Variants in OSBPL10 observed in about 807,000 individuals in gnomAD.
The protein encoded by OSBPL10 is oxysterol binding protein like 10, also known as oxysterol-binding protein-related protein 10.
Under a neutral mutation model 81.7 loss-of-function variants are expected in OSBPL10, and 49 were observed. The ratio of observed to expected loss-of-function variants is 0.60; its 90% CI spans 0.48 to 0.76. The LOEUF (loss-of-function observed/expected upper bound fraction) is 0.76. Among genes scored for constraint, OSBPL10 ranks in the 30% least tolerant of loss-of-function variants. The probability of loss-of-function intolerance (pLI) is 0.00; values close to 1 mark genes in which losing one functional copy is unlikely to be tolerated. For synonymous variants in OSBPL10, 419 were observed against 383.6 expected (o/e 1.09, Z -1.08); for missense variants, 923 against 987.8 (o/e 0.93, Z 0.88).
chr3:31,883,650 G>A (rs1695654337), intron 1 of OSBPL10, among the ~76,000 whole-genome samples: 2 of 151,420 alleles, frequency 1.3e-5, no homozygotes, highest in Admixed American at 6.6e-5. Context: ...TCCTGCCTCA[G>A]CCTCCCGAGT....
chr3:31,977,978 G>C (rs947053024), intron 1 of OSBPL10, among the ~76,000 whole-genome samples: 1 of 152,056 alleles, frequency 6.6e-6, no homozygotes, highest in Admixed American at 6.6e-5. Context: ...TCTTTATGTC[G>C]TTTATTTTGT....
chr3:32,031,398 C>T lies in OSBPL10; in HGVS notation n.298+15093G>A, dbSNP rs115775429. On this transcript the variant is annotated intron_variant and non_coding_transcript_variant, in intron 2 of 3. Transcript: ENST00000479173. The stretch of plus-strand genomic sequence containing the variant: ...TAAAGATGTGATTTGAATCAGCAGC[C>T]TACTTCTTGCAACAATATTTTTAGA... Among the ~76,000 whole-genome samples the T allele has an allele frequency of 2.3e-3, 352 of 151,708 alleles. 5 individuals carry two copies. The highest frequency in any genetic ancestry group is 7.8e-3 in the African/African-American group (323 of 41,338).
chr3:31,682,409 C>T (rs547829740), intron 8 of OSBPL10, among the ~76,000 whole-genome samples: 182 of 152,360 alleles, frequency 1.2e-3, no homozygotes, highest in African/African-American at 4.1e-3. Flanking sequence ...CCACCTGCCC[C>T]TGTTCACCCT....
At chr3:31,722,431 T>C (rs1169608779) in intron 6 of OSBPL10, among the ~76,000 whole-genome samples, 1 of 152,060 alleles carries the variant, frequency 6.6e-6, no homozygotes, top group Admixed American at 6.6e-5. Flanking sequence ...ATACCTAAAA[T>C]GGGCAAGGAT....
chr3:31,743,067 G>T, intron 5 of OSBPL10, among the ~76,000 whole-genome samples: 1 of 108,622 alleles, frequency 9.2e-6, no homozygotes, highest in Non-Finnish European at 1.7e-5. Flanking sequence ...TTTAGAGAGA[G>T]TCTTGCTCTG....
At chr3:31,790,639 T>C (rs1171727136) in intron 4 of OSBPL10, among the ~76,000 whole-genome samples, 2 of 152,206 alleles carry the variant, frequency 1.3e-5, no homozygotes, top group African/African-American at 4.8e-5. Context: ...GAGATGCTTA[T>C]GGCGCCTTGA....
chr3:31,882,215 A>G (rs1695603238), intron 1 of OSBPL10, among the ~76,000 whole-genome samples: 1 of 152,194 alleles, frequency 6.6e-6, no homozygotes. Flanking sequence ...GAAATCGTCC[A>G]CTTTGAATTA....
intron 6 of OSBPL10, among the ~76,000 whole-genome samples, chr3:31,731,529 C>T (rs1331269076): frequency 6.6e-6 from 1 of 150,546 alleles, no homozygotes; most frequent in East Asian, 1.9e-4. Context: ...CGTTCTGTTG[C>T]CCAGGCTGGA....
chr3:31,716,897 T>C (rs1170413110), intron 6 of OSBPL10: 2 of 152,212 alleles, frequency 1.3e-5, no homozygotes, highest in African/African-American at 4.8e-5. Context: ...GAATTTTATG[T>C]GTCCACTTTA....
intron 1 of OSBPL10, among the ~76,000 whole-genome samples, chr3:31,955,053 T>C (rs910051296): frequency 5.3e-5 from 8 of 152,300 alleles, no homozygotes; most frequent in African/African-American, 1.4e-4. Context: ...GTTAGCCACA[T>C]AGAAGGTAGA....
intron 1 of OSBPL10, among the ~76,000 whole-genome samples, chr3:31,927,692 C>T (rs1697115035): frequency 6.6e-6 from 1 of 152,200 alleles, no homozygotes; most frequent in Admixed American, 6.5e-5. Flanking sequence ...GCTATTATTC[C>T]TTGTTGCAAT....
chr3:31,715,671 A>G (rs1696408352), intron 6 of OSBPL10, among the ~76,000 whole-genome samples: 3 of 152,238 alleles, frequency 2.0e-5, no homozygotes, highest in South Asian at 2.1e-4. Context: ...CAATAGTAAT[A>G]AAATGATTCT....
At chr3:31,796,930 C>T (rs571229841) in intron 4 of OSBPL10, among the ~76,000 whole-genome samples, 8 of 151,906 alleles carry the variant, frequency 5.3e-5, no homozygotes, top group Non-Finnish European at 1.2e-4. Context: ...CATTCTCATA[C>T]AGGTTCCTTC....
rs183334300 is a variant in OSBPL10 at position 32,062,783 on chromosome 3, C to A, written n.185+14613G>T. Among the ~76,000 whole-genome samples, 647 of 94,634 alleles carry A rather than the reference C, an allele frequency of 6.8e-3. 147 individuals carry two copies. The highest frequency in any genetic ancestry group is 0.017 in the African/African-American group (610 of 36,770). 62.1% of individuals were successfully genotyped at this position (94,634 alleles called of 152,430 possible). ...CAGGACAGTAGCATTTGTCAATGTT[C>A]AAATCCTTAATCTCCTATTTTTATC... On this transcript the variant is annotated intron_variant and non_coding_transcript_variant, in intron 1 of 3. Coordinates refer to the OSBPL10 transcript ENST00000479173.
chr3:31,981,096 G>C lies in OSBPL10; in HGVS notation c.84C>G (p.Gly28=). The part of the protein sequence containing the change: ...SRSSSRATSA[G]SSPSCSLAGR... The stretch of plus-strand genomic sequence containing the variant: ...CCGCCAGAGAGCAGGAGGGCGAGGA[G>C]CCCGCCGAGGTAGCACGGCTGCTGC... Residue 28 remains glycine (G), a synonymous_variant, in exon 1 of 12, where the codon GGC becomes GGG. Transcript: ENST00000396556. The surrounding 1 kb of genome is among the most constrained non-coding windows in gnomAD (Gnocchi z 4.5). The C allele has an allele frequency of 6.7e-7, 1 of 1,492,742 alleles. No individual in the cohort carries two copies. The highest frequency in any genetic ancestry group is 8.9e-7 in the Non-Finnish European group (1 of 1,125,974). The allele number at this position is 1,492,742 out of a possible 1,614,324, so 92.5% of individuals were successfully genotyped here. A position where few individuals can be genotyped will look rare whatever the true frequency, so the allele number is the denominator to read the frequency against.
chr3:31,979,749 A>G (rs1698778120), intron 1 of OSBPL10, among the ~76,000 whole-genome samples: 1 of 150,698 alleles, frequency 6.6e-6, no homozygotes, highest in Non-Finnish European at 1.5e-5. Context: ...CAGTAGTGCC[A>G]CATCTGTTCT....
intron 1 of OSBPL10, among the ~76,000 whole-genome samples, chr3:31,946,974 G>A (rs1033888829): frequency 1.8e-4 from 28 of 152,128 alleles, no homozygotes; most frequent in Admixed American, 1.0e-3. Context: ...AGGCAGCTAC[G>A]GCTCAGTGGC....
intron 4 of OSBPL10, among the ~76,000 whole-genome samples, chr3:31,749,472 T>C (rs1697647000): frequency 1.3e-5 from 2 of 152,220 alleles, no homozygotes; most frequent in Admixed American, 6.5e-5. Context: ...AAACAGTGCC[T>C]AGAAATAAGG....
chr3:31,875,991 G>A (rs534639245), intron 3 of OSBPL10, among the ~76,000 whole-genome samples: 1 of 152,064 alleles, frequency 6.6e-6, no homozygotes, highest in Non-Finnish European at 1.5e-5. Flanking sequence ...CAAATTACCC[G>A]AGAACATTTT....
Sources: gnomAD v4.1 joint callset for allele counts (sites outside exome capture counted in the v4.1 genomes callset) on GRCh38, gnomAD v4.1.1 for gene constraint, Gnocchi (gnomAD v3.1) non-coding constraint, MANE v1.5 for transcripts, NCBI Gene and HGNC (gene_info 2026-07-23, HGNC 2026-07-21) for gene names.